Variants in AP1G1 observed in about 807,000 individuals in gnomAD.
AP1G1 encodes adaptor related protein complex 1 subunit gamma 1.
Under a neutral mutation model 108.3 loss-of-function variants are expected in AP1G1, and 7 were observed. The ratio of observed to expected loss-of-function variants is 0.06; its 90% CI spans 0.04 to 0.12. AP1G1 has a LOEUF of 0.12. AP1G1 is among the 10% of genes least tolerant of loss of function. The pLI is 1.00. For missense variants in AP1G1, 756 were observed against 1,010.7 expected (o/e 0.75, Z 3.42); for synonymous variants, 379 against 353.5 (o/e 1.07, Z -0.81).
At chr16:71,736,662 T>C (rs1378622135) in intron 21 of AP1G1, among the ~76,000 whole-genome samples, 1 of 150,918 alleles carries the variant, frequency 6.6e-6, no homozygotes, top group East Asian at 1.9e-4. Context: ...CTCGGCTCAC[T>C]GCAAGCTCCA....
At chr16:71,774,424 C>T (rs2031697448) in intron 3 of AP1G1, 44 bp downstream of exon 3, 3 of 1,575,792 alleles carry the variant, frequency 1.9e-6, no homozygotes, top group Admixed American at 2.1e-5. Flanking sequence ...CAAAAAAGAA[C>T]AAAGTAGTTA....
chr16:71,759,869 A>G (rs2030995519), intron 10 of AP1G1, among the ~76,000 whole-genome samples: 1 of 152,102 alleles, frequency 6.6e-6, no homozygotes, highest in African/African-American at 2.4e-5. Context: ...AAAAGAGCAT[A>G]TAATATGTCT....
At position 71,731,100 on chromosome 16, in the gene AP1G1, T is replaced by G. The variant is rs1356841673; in HGVS notation, c.*1958A>C. On this transcript the variant is annotated 3_prime_UTR_variant, in exon 23 of 23. Transcript: ENST00000299980. ...TTCACAGCATTAAGTATCCATCCAA[T>G]GAAATCAGTCTGCAAAGAAACCCTT... 1.3e-5 allele frequency: 2 copies of G among 152,622 alleles called. No individual in the cohort carries two copies. Among genetic ancestry groups the G allele is most frequent in the Non-Finnish European group, 2.9e-5 (2 of 68,048 alleles). The allele number at this position is 152,622 out of a possible 1,614,324, so 9.5% of individuals were successfully genotyped here.
intron 21 of AP1G1, among the ~76,000 whole-genome samples, chr16:71,736,117 A>AATATATATATATAT (rs1306238313): frequency 1.4e-5 from 1 of 71,636 alleles, no homozygotes; most frequent in African/African-American, 6.2e-5. Flanking sequence ...AAAAAAAAAA[A>AATATATATATATAT]ATATATATAT....
intron 22 of AP1G1, 108 bp from the exon 23 acceptor site, chr16:71,733,267 GCTGT>G (rs2045491510): frequency 3.6e-6 from 3 of 841,142 alleles, no homozygotes; most frequent in Non-Finnish European, 5.6e-6. Context: ...TTAAAGCAAA[GCTGT>G]CTGTTAAGAA....
At position 71,729,123 on chromosome 16, in the gene AP1G1, C is replaced by T. The variant is rs1179579382; in HGVS notation, c.*3935G>A. Reference sequence around the variant, plus strand: ...TGTAAATGTTTACATCCATTTTATTCCTCACTCGCCTCTAAGACTTATCAT... The same window carrying T: ...TGTAAATGTTTACATCCATTTTATTTCTCACTCGCCTCTAAGACTTATCAT... On this transcript the variant is annotated 3_prime_UTR_variant, in exon 23 of 23. Coordinates refer to ENST00000299980, the MANE Select transcript of AP1G1 (RefSeq NM_001128.6). 5.9e-5 allele frequency: 9 copies of T among 152,246 alleles called. No individual in the cohort carries two copies. The highest frequency in any genetic ancestry group is 1.2e-4 in the Non-Finnish European group (8 of 68,000). The allele number at this position is 152,246 out of a possible 1,614,324, so 9.4% of individuals were successfully genotyped here. A position where few individuals can be genotyped will look rare whatever the true frequency, so the allele number is the denominator to read the frequency against.
chr16:71,790,071 C>T (rs2032341047), intron 1 of AP1G1, among the ~76,000 whole-genome samples: 1 of 148,552 alleles, frequency 6.7e-6, no homozygotes, highest in South Asian at 2.2e-4. Flanking sequence ...GAAAATAAGG[C>T]TATTAGTGTC....
intron 21 of AP1G1, among the ~76,000 whole-genome samples, chr16:71,737,796 G>A (rs2045568342): frequency 6.6e-6 from 1 of 152,284 alleles, no homozygotes; most frequent in Non-Finnish European, 1.5e-5. Context: ...GATTAGGTTA[G>A]CTTAGTCTAA....
intron 1 of AP1G1, among the ~76,000 whole-genome samples, chr16:71,795,547 G>T (rs2032554995): frequency 6.6e-6 from 1 of 152,108 alleles, no homozygotes; most frequent in African/African-American, 2.4e-5. Flanking sequence ...TCTCCAGATG[G>T]CCTATATTTT....
chr16:71,748,347 T>C lies in AP1G1; in HGVS notation c.1529A>G (p.Glu510Gly), dbSNP rs541196245. Residue 510 changes from glutamate (E) to glycine (G), a missense_variant, in exon 16 of 23, where the codon GAA becomes GGA. This residue lies in a region of AP1G1 where 357 missense variants were observed against 366.5 expected (regional missense o/e 0.97). Coordinates refer to ENST00000299980, the MANE Select transcript of AP1G1 (RefSeq NM_001128.6). The part of the protein sequence containing the change: ...VTEDEVLDIL[E>G]SVLISNMSTS... ...GGACATATTAGAGATTAGGACACTT[T>C]CTAAAATATCCAACACTTCATCCTC... 5.6e-6 allele frequency: 9 copies of C among 1,613,520 alleles called. No homozygotes were observed. The South Asian group carries it at 6.6e-5, about 12-fold the overall frequency.
intron 17 of AP1G1, 91 bp downstream of exon 17, chr16:71,746,497 A>G (rs1159374201): frequency 2.6e-6 from 2 of 771,866 alleles, no homozygotes; most frequent in Non-Finnish European, 4.1e-6. Flanking sequence ...CAATTAATAA[A>G]GCACAAGGAA....
rs1358374766 is a variant in AP1G1, at chr16:71,808,716, C to T, written c.-4+47G>A. ...TCCGGTCGAGCGCCCGCGGCAGCGG[C>T]GGGGCAAAAGCAGCAATATGCTCTC... On this transcript the variant is annotated intron_variant, in intron 1 of 22. Transcript: ENST00000299980. 4.7e-6 allele frequency: 6 copies of T among 1,285,250 alleles called. No individual in the cohort carries two copies. In the African/African-American group the frequency reaches 7.6e-5, roughly 16 times the overall value. 79.6% of individuals were successfully genotyped at this position (1,285,250 alleles called of 1,614,324 possible).
At chr16:71,735,710 C>T (rs567685300) in intron 21 of AP1G1, among the ~76,000 whole-genome samples, 26 of 151,756 alleles carry the variant, frequency 1.7e-4, no homozygotes, top group South Asian at 4.2e-4. Context: ...TACTGTACTA[C>T]GTAGCTATTG....
intron 1 of AP1G1, 147 bp downstream of exon 1, chr16:71,808,616 C>A: frequency 2.3e-6 from 3 of 1,289,680 alleles, no homozygotes; most frequent in African/African-American, 3.0e-5. Flanking sequence ...CCCGGCCTCT[C>A]CTGGCCCAGC....
chr16:71,775,024 T>A (rs2031726890), intron 2 of AP1G1, among the ~76,000 whole-genome samples: 3 of 116,578 alleles, frequency 2.6e-5, no homozygotes, highest in Non-Finnish European at 5.3e-5. Flanking sequence ...CCTGGCTTTT[T>A]TTTTTTTTTT....
In AP1G1 at chr16:71,736,098, C is replaced by CAAAAAAAAAAAAAAAAA. The variant is rs1213680207; in HGVS notation, c.2269-1408_2269-1392dup. Among the ~76,000 whole-genome samples the CAAAAAAAAAAAAAAAAA allele has an allele frequency of 1.2e-4, 3 of 25,424 alleles. 1 individual carries two copies. The highest frequency in any genetic ancestry group is 1.8e-4 in the Non-Finnish European group (3 of 17,022). The allele number at this position is 25,424 out of a possible 152,430, so 16.7% of individuals were successfully genotyped here. A position where few individuals can be genotyped will look rare whatever the true frequency, so the allele number is the denominator to read the frequency against. Reference sequence around the variant, plus strand: ...TGGGTGACAGAGTGAGACTCCATCTCAAAAAAAAAAAAAAAAAAAATATAT... The same window carrying CAAAAAAAAAAAAAAAAA: ...TGGGTGACAGAGTGAGACTCCATCTCAAAAAAAAAAAAAAAAAAAAAAAAAAAAAAAAAAAAATATAT... On this transcript the variant is annotated intron_variant, in intron 21 of 22. Coordinates refer to ENST00000299980, the MANE Select transcript of AP1G1 (RefSeq NM_001128.6).
At chr16:71,807,801 C>T (rs2033044871) in intron 1 of AP1G1, 1 of 1,288,892 alleles carries the variant, frequency 7.8e-7, no homozygotes, top group Non-Finnish European at 1.0e-6. Context: ...TTCTACCTAC[C>T]TCAGATTAAT....
chr16:71,746,897 G>C (rs760725566), intron 16 of AP1G1: 1 of 404,444 alleles, frequency 2.5e-6, no homozygotes, highest in Non-Finnish European at 4.5e-6. Flanking sequence ...TGTAACACTA[G>C]ATTTTTGTCT....
intron 6 of AP1G1, among the ~76,000 whole-genome samples, chr16:71,768,157 G>A (rs1231528580): frequency 7.0e-6 from 1 of 142,540 alleles, no homozygotes; most frequent in Non-Finnish European, 1.5e-5. Flanking sequence ...AAAATTAAGT[G>A]GAGAAACAGA....
Sources: gnomAD v4.1 joint callset for allele counts (sites outside exome capture counted in the v4.1 genomes callset) on GRCh38, gnomAD v4.1.1 for gene constraint, gnomAD v4.1.1 regional missense constraint, MANE v1.5 for transcripts, NCBI Gene and HGNC (gene_info 2026-07-23, HGNC 2026-07-21) for gene names.